Variants in ZBTB37 observed in about 807,000 individuals in gnomAD.
The protein encoded by ZBTB37 is zinc finger and BTB domain containing 37, also known as zinc finger and BTB domain-containing protein 37.
Under a neutral mutation model 37.7 loss-of-function variants are expected in ZBTB37, and 15 were observed. The ratio of observed to expected loss-of-function variants is 0.40; its 90% CI spans 0.27 to 0.61. ZBTB37 has a LOEUF of 0.61. ZBTB37 is among the 20% of genes least tolerant of loss of function. The pLI is 0.44. For synonymous variants in ZBTB37, 231 were observed against 220.6 expected (o/e 1.05, Z -0.42); for missense variants, 514 against 641.9 (o/e 0.80, Z 2.15).
intron 4 of ZBTB37, among the ~76,000 whole-genome samples, chr1:173,874,395 G>T (rs1461023740): frequency 2.0e-5 from 3 of 150,016 alleles, no homozygotes; most frequent in Admixed American, 6.6e-5. Flanking sequence ...AGGCTGGAGT[G>T]CATGGAGTGC....
At chr1:173,886,869 G>GC (rs1463409978), downstream of ZBTB37, 3 of 152,278 alleles carry the variant, frequency 2.0e-5, no homozygotes, top group African/African-American at 7.2e-5. Context: ...AGGAAGAGGA[G>GC]AGCAGGGAGG....
chr1:173,882,518 G>GC (rs1656389820), intron 4 of ZBTB37, among the ~76,000 whole-genome samples: 1 of 151,998 alleles, frequency 6.6e-6, no homozygotes, highest in Non-Finnish European at 1.5e-5. Flanking sequence ...AGGATTACAG[G>GC]CATGAGCCAC....
chr1:173,891,756 C>T (rs1656849907), exon 4 of ZBTB37: 1 of 151,922 alleles, frequency 6.6e-6, no homozygotes, highest in Admixed American at 6.6e-5. Flanking sequence ...TAGACCTTAT[C>T]TCTAAAACAA....
At chr1:173,872,295 G>A (rs773508687) in intron 3 of ZBTB37, among the ~76,000 whole-genome samples, 27 of 151,924 alleles carry the variant, frequency 1.8e-4, no homozygotes, top group Admixed American at 6.6e-5. Flanking sequence ...GGATGGTCTC[G>A]ATCTCCTGAC....
intron 4 of ZBTB37, among the ~76,000 whole-genome samples, chr1:173,885,366 T>A (rs1374546052): frequency 5.9e-5 from 9 of 152,216 alleles, no homozygotes; most frequent in Non-Finnish European, 1.3e-4. Context: ...TGTAAAATAG[T>A]ACATTCAGCA....
intron 4 of ZBTB37, among the ~76,000 whole-genome samples, chr1:173,879,978 T>C (rs943495468): frequency 2.6e-5 from 4 of 152,084 alleles, no homozygotes; most frequent in Admixed American, 6.6e-5. Flanking sequence ...GACCAGCACA[T>C]TATATTTACA....
At chr1:173,870,875 C>T (rs749625574) in exon 3 of ZBTB37, 1 of 1,614,214 alleles carries the variant, frequency 6.2e-7, no homozygotes, top group Admixed American at 1.7e-5. Context: ...ATCAACCGAG[C>T]AGGACAGTGG....
At chr1:173,896,924 A>G (rs905035802) in exon 4 of ZBTB37, 1 of 152,258 alleles carries the variant, frequency 6.6e-6, no homozygotes, top group Non-Finnish European at 1.5e-5. Flanking sequence ...GTCCGTCTCT[A>G]GAATGGCTAT....
At chr1:173,901,056 T>A (rs971295478) in exon 4 of ZBTB37, 9 of 152,182 alleles carry the variant, frequency 5.9e-5, no homozygotes, top group African/African-American at 2.2e-4. Context: ...TGAAACAAAT[T>A]CCCTAACAGG....
chr1:173,894,719 A>G (rs931014271), exon 4 of ZBTB37: 2 of 152,248 alleles, frequency 1.3e-5, no homozygotes, highest in African/African-American at 4.8e-5. Flanking sequence ...GTCAGCCCAA[A>G]TTTAAGGAGA....
At chr1:173,878,981 C>G (rs1456440754) in intron 4 of ZBTB37, among the ~76,000 whole-genome samples, 1 of 151,248 alleles carries the variant, frequency 6.6e-6, no homozygotes, top group African/African-American at 2.4e-5. Flanking sequence ...ATCCCAGATA[C>G]TTGGGAGGCT....
chr1:173,872,210 A>C (rs1240959315), intron 3 of ZBTB37, among the ~76,000 whole-genome samples: 1 of 152,020 alleles, frequency 6.6e-6, no homozygotes, highest in Non-Finnish European at 1.5e-5. Flanking sequence ...CTGGGACTAC[A>C]GGTCCCTGCC....
intron 4 of ZBTB37, 84 bp from the exon 5 acceptor site, chr1:173,885,552 C>G (rs185003861): frequency 2.6e-6 from 3 of 1,172,166 alleles, no homozygotes; most frequent in East Asian, 2.6e-5. Flanking sequence ...ATCTTAGTAA[C>G]AAGTAAAAAT....
At chr1:173,875,742 C>T (rs921182281) in intron 4 of ZBTB37, among the ~76,000 whole-genome samples, 2 of 152,080 alleles carry the variant, frequency 1.3e-5, no homozygotes, top group African/African-American at 4.8e-5. Flanking sequence ...TTAGCCTCAA[C>T]CTCCTAGGTT....
Position 173,880,059 on chromosome 1 carries a change from G to A in ZBTB37, c.1024-5577G>A, listed in dbSNP as rs149349509. 6.8e-3 allele frequency among the ~76,000 whole-genome samples: 1,031 copies of A among 152,218 alleles called. 6 individuals carry two copies. The highest frequency in any genetic ancestry group is 9.5e-3 in the Non-Finnish European group (649 of 68,008). On this transcript the variant is annotated intron_variant, in intron 4 of 4. Transcript: ENST00000427304. The stretch of plus-strand genomic sequence containing the variant: ...CCCAGACAAATACAATAACTAATGG[G>A]GTGTGGGGGAAAGCATTTAGGGGAA...
chr1:173,894,203 AAAAATTGAAAGAGTTCC>A (rs1321332960), exon 4 of ZBTB37: 2 of 152,236 alleles, frequency 1.3e-5, no homozygotes, highest in Non-Finnish European at 2.9e-5. Context: ...CTATCAAGGC[AAAAATTGAAAGAGTTCC>A]AGTTACCTAT....
At chr1:173,896,721 A>G (rs1456816235) in exon 4 of ZBTB37, 1 of 152,190 alleles carries the variant, frequency 6.6e-6, no homozygotes, top group African/African-American at 2.4e-5. Flanking sequence ...TTTTAGTCAC[A>G]TCTTGAAGCA....
chr1:173,869,366 C>G (rs1280713921), intron 2 of ZBTB37, among the ~76,000 whole-genome samples: 3 of 152,000 alleles, frequency 2.0e-5, no homozygotes, highest in Admixed American at 1.3e-4. Context: ...TTGTATACAG[C>G]TTCAGGTTTA....
chr1:173,896,123 A>C (rs1184404201), exon 4 of ZBTB37: 1 of 152,190 alleles, frequency 6.6e-6, no homozygotes, highest in Non-Finnish European at 1.5e-5. Flanking sequence ...TGGGAAGGGA[A>C]AAAGAAGACC....
Sources: gnomAD v4.1 joint callset for allele counts (sites outside exome capture counted in the v4.1 genomes callset) on GRCh38, gnomAD v4.1.1 for gene constraint, MANE v1.5 for transcripts, NCBI Gene and HGNC (gene_info 2026-07-23, HGNC 2026-07-21) for gene names.